The following CHCHD3 variants were observed in gnomAD, a reference collection of about 807,000 sequenced individuals.
The protein encoded by CHCHD3 is coiled-coil-helix-coiled-coil-helix domain containing 3.
A neutral mutation model predicts 38.2 loss-of-function variants in CHCHD3; 20 were observed. The observed-to-expected ratio is 0.52, with a 90% CI of 0.37 to 0.76. CHCHD3 has a LOEUF of 0.76. CHCHD3 is among the 30% of genes least tolerant of loss of function. The pLI, the probability that CHCHD3 is intolerant of heterozygous loss-of-function variation, is 0.00. For missense variants in CHCHD3, 245 were observed against 279.2 expected, an observed-to-expected ratio of 0.88 and a Z score of 0.87; for synonymous variants, 82 against 100.0, an observed-to-expected ratio of 0.82 and a Z score of 1.07.
chr7:132,915,783 C>T (rs1259288857), intron 4 of CHCHD3, among the ~76,000 whole-genome samples: 3 of 152,238 alleles, frequency 2.0e-5, no homozygotes, highest in African/African-American at 4.8e-5. Context: ...ATACATTCTT[C>T]ATTCTTTTAA....
Position 132,928,864 on chromosome 7 carries a change from G to A in CHCHD3, c.370-43119C>T, listed in dbSNP as rs1032846468. On this transcript the variant is annotated intron_variant, in intron 4 of 7. Transcript: ENST00000262570. ...TTCTCCGTCTCTTACCCTGAAGCAG[G>A]GTTCTCCTTCTCTTTCCAAGGACTA... is the stretch of plus-strand genomic sequence containing the variant. 5.9e-5 allele frequency among the ~76,000 whole-genome samples: 9 copies of A among 151,926 alleles called. 1 individual carries two copies. In the East Asian group the frequency reaches 1.2e-3, roughly 20 times the overall value.
intron 2 of CHCHD3, among the ~76,000 whole-genome samples, chr7:133,045,461 T>C (rs1175801568): frequency 1.3e-5 from 2 of 152,098 alleles, no homozygotes; most frequent in Admixed American, 6.5e-5. Context: ...TTAAAACAAA[T>C]TGCCCAGAAG....
At chr7:132,957,610 T>C (rs1005960120) in intron 4 of CHCHD3, among the ~76,000 whole-genome samples, 3 of 152,038 alleles carry the variant, frequency 2.0e-5, no homozygotes, top group Non-Finnish European at 4.4e-5. Flanking sequence ...AGCCTCCGAG[T>C]AGCTGGGATT....
At chr7:132,969,983 C>T (rs1431990738) in intron 4 of CHCHD3, among the ~76,000 whole-genome samples, 2 of 152,134 alleles carry the variant, frequency 1.3e-5, no homozygotes, top group Non-Finnish European at 2.9e-5. Context: ...CCAGCATTAA[C>T]GTTAAAACAG....
At chr7:132,937,987 T>C (rs1284265008) in intron 4 of CHCHD3, among the ~76,000 whole-genome samples, 1 of 152,200 alleles carries the variant, frequency 6.6e-6, no homozygotes, top group East Asian at 1.9e-4. Flanking sequence ...AATTAATTCA[T>C]TAAAAACCTG....
chr7:132,943,153 C>T (rs981998184), intron 4 of CHCHD3, among the ~76,000 whole-genome samples: 1 of 152,074 alleles, frequency 6.6e-6, no homozygotes, highest in African/African-American at 2.4e-5. Context: ...TACATACATT[C>T]CAGATACTGC....
intron 4 of CHCHD3, among the ~76,000 whole-genome samples, chr7:132,938,931 C>A (rs1019746267): frequency 6.6e-6 from 1 of 152,186 alleles, no homozygotes; most frequent in Non-Finnish European, 1.5e-5. Context: ...TAGTCTATCC[C>A]TGGTGAGTGT....
intron 5 of CHCHD3, among the ~76,000 whole-genome samples, chr7:132,842,156 C>T (rs1807957147): frequency 6.6e-6 from 1 of 151,916 alleles, no homozygotes; most frequent in Non-Finnish European, 1.5e-5. Context: ...GTATTACTCC[C>T]ACCTCCCTCC....
intron 4 of CHCHD3, among the ~76,000 whole-genome samples, chr7:132,964,060 CT>C (rs1375234290): frequency 6.6e-6 from 1 of 152,144 alleles, no homozygotes; most frequent in Non-Finnish European, 1.5e-5. Flanking sequence ...GAATATCTTC[CT>C]TTAAATTTCT....
At chr7:133,011,502 CT>C (rs933888089) in intron 3 of CHCHD3, among the ~76,000 whole-genome samples, 1 of 152,126 alleles carries the variant, frequency 6.6e-6, no homozygotes, top group African/African-American at 2.4e-5. Flanking sequence ...GTCCAGTGCA[CT>C]GTAGGATGTT....
intron 6 of CHCHD3, among the ~76,000 whole-genome samples, chr7:132,822,065 T>C (rs1807392278): frequency 2.0e-5 from 3 of 152,216 alleles, no homozygotes; most frequent in Admixed American, 1.3e-4. Context: ...AACAATCCTA[T>C]TTTCTTTGCA....
chr7:133,074,526 T>C (rs535550927), intron 1 of CHCHD3, among the ~76,000 whole-genome samples: 63 of 152,156 alleles, frequency 4.1e-4, no homozygotes, highest in Non-Finnish European at 6.6e-4. Context: ...ACTCAATTTA[T>C]ACTTGAGAAA....
intron 2 of CHCHD3, among the ~76,000 whole-genome samples, chr7:133,065,454 C>CTCAGT (rs1472971042): frequency 2.0e-5 from 3 of 152,192 alleles, no homozygotes; most frequent in Non-Finnish European, 4.4e-5. Flanking sequence ...TCCTAGGGCT[C>CTCAGT]TCAGTTCATC....
chr7:133,064,271 A>T (rs1020743443), intron 2 of CHCHD3, among the ~76,000 whole-genome samples: 2 of 152,230 alleles, frequency 1.3e-5, no homozygotes, highest in Non-Finnish European at 2.9e-5. Flanking sequence ...TTCAGAGCAG[A>T]ATATGCTGAC....
At chr7:132,822,474 G>C (rs1464408922) in intron 6 of CHCHD3, among the ~76,000 whole-genome samples, 1 of 151,156 alleles carries the variant, frequency 6.6e-6, no homozygotes, top group Non-Finnish European at 1.5e-5. Context: ...TTCATATTGT[G>C]ATACAACTTC....
In CHCHD3 at chr7:133,080,456, T is replaced by C. The variant is rs373333034; in HGVS notation, c.81+1401A>G. Reference sequence around the variant, plus strand: ...ACTAAAGCACGAGAATATGGATTTATACATTTTTTTCTAACCAATGTCTTC... The same window carrying C: ...ACTAAAGCACGAGAATATGGATTTACACATTTTTTTCTAACCAATGTCTTC... On this transcript the variant is annotated intron_variant, in intron 1 of 7. Transcript: ENST00000262570. Among the ~76,000 whole-genome samples the C allele has an allele frequency of 3.0e-3, 460 of 152,368 alleles. 2 individuals carry two copies. The South Asian group carries it at 0.033, about 11-fold the overall frequency.
intron 4 of CHCHD3, among the ~76,000 whole-genome samples, chr7:132,933,443 T>C (rs950321743): frequency 6.6e-6 from 1 of 152,230 alleles, no homozygotes; most frequent in Non-Finnish European, 1.5e-5. Context: ...TAAAATGTTC[T>C]ATGGCCCTAA....
intron 4 of CHCHD3, among the ~76,000 whole-genome samples, chr7:132,927,496 C>G (rs969202189): frequency 2.6e-5 from 4 of 152,326 alleles, no homozygotes; most frequent in Admixed American, 2.6e-4. Context: ...AACACTGTAT[C>G]TCGCCCAGGC....
chr7:133,062,118 A>G (rs1330978686), intron 2 of CHCHD3, among the ~76,000 whole-genome samples: 2 of 152,006 alleles, frequency 1.3e-5, no homozygotes, highest in Admixed American at 1.3e-4. Flanking sequence ...TTTAACAAGG[A>G]AAAACAAGAT....
Sources: allele counts gnomAD v4.1 joint callset (sites outside exome capture counted in the v4.1 genomes callset), GRCh38; gene constraint gnomAD v4.1.1; transcripts MANE v1.5; gene names NCBI Gene and HGNC (gene_info 2026-07-23, HGNC 2026-07-21).